SCPPPQ1: variants seen among roughly 807,000 people sequenced by gnomAD.
The protein encoded by SCPPPQ1 is secretory calcium-binding phosphoprotein proline-glutamine rich 1, also known as secretory calcium-binding phosphoprotein proline- and glutamine-rich 1.
chr4:87,470,317 T>C, the SCPPPQ1 span, among the ~76,000 whole-genome samples: 1 of 152,192 alleles, frequency 6.6e-6, no homozygotes, highest in Non-Finnish European at 1.5e-5. Context: ...TTATTAGTAA[T>C]TGATCACTAC....
At chr4:87,470,004 A>G in the SCPPPQ1 span, among the ~76,000 whole-genome samples, 1 of 135,764 alleles carries the variant, frequency 7.4e-6, no homozygotes, top group African/African-American at 2.8e-5. Context: ...CTCAGGCTGG[A>G]GTGCAGTGGC....
the SCPPPQ1 span, chr4:87,461,974 A>G: frequency 6.6e-6 from 1 of 152,230 alleles, no homozygotes; most frequent in Non-Finnish European, 1.5e-5. Context: ...AACCATACGT[A>G]ACTTCTGGCA....
At chr4:87,468,925 G>C in the SCPPPQ1 span, among the ~76,000 whole-genome samples, 2 of 152,344 alleles carry the variant, frequency 1.3e-5, no homozygotes, top group South Asian at 4.1e-4. Flanking sequence ...GGGCACTATA[G>C]ATGAATGTAG....
chr4:87,465,554 ATCT>A, the SCPPPQ1 span, among the ~76,000 whole-genome samples: 1 of 132,936 alleles, frequency 7.5e-6, no homozygotes, highest in Non-Finnish European at 1.6e-5. Flanking sequence ...AGGAATAGAA[ATCT>A]ACAAAAAAAA....
chr4:87,462,956 G>A, the SCPPPQ1 span, among the ~76,000 whole-genome samples: 4 of 138,786 alleles, frequency 2.9e-5, no homozygotes, highest in South Asian at 2.2e-4. Flanking sequence ...CCGAGATCAC[G>A]CCACTGCACT....
At chr4:87,462,679 A>G in the SCPPPQ1 span, among the ~76,000 whole-genome samples, 2 of 152,136 alleles carry the variant, frequency 1.3e-5, no homozygotes, top group Admixed American at 6.6e-5. Flanking sequence ...CTCATTATTT[A>G]CTATGAATTG....
chr4:87,466,969 CATT>C, the SCPPPQ1 span, among the ~76,000 whole-genome samples: 1 of 152,338 alleles, frequency 6.6e-6, no homozygotes, highest in African/African-American at 2.4e-5. Flanking sequence ...GTTGCAGCAT[CATT>C]ATTTTAGACT....
chr4:87,462,926 G>A, the SCPPPQ1 span, among the ~76,000 whole-genome samples: 5 of 151,130 alleles, frequency 3.3e-5, no homozygotes, highest in East Asian at 9.7e-4. Flanking sequence ...TGAGCCTGGG[G>A]GGGCAGAGGT....
At chr4:87,465,529 G>T in the SCPPPQ1 span, among the ~76,000 whole-genome samples, 1 of 116,716 alleles carries the variant, frequency 8.6e-6, no homozygotes, top group African/African-American at 3.6e-5. Flanking sequence ...GATTTGGATT[G>T]TAAGGAAAAG....
At chr4:87,462,420 T>C in the SCPPPQ1 span, 1 of 152,224 alleles carries the variant, frequency 6.6e-6, no homozygotes, top group Non-Finnish European at 1.5e-5. Flanking sequence ...AGATCCTGTT[T>C]CTTAAAAATA....
chr4:87,464,075 A>G, the SCPPPQ1 span, among the ~76,000 whole-genome samples: 1 of 152,170 alleles, frequency 6.6e-6, no homozygotes, highest in African/African-American at 2.4e-5. Context: ...TTGTTCTGTT[A>G]GGGTGCCTTT....
chr4:87,467,219 G>A, the SCPPPQ1 span, among the ~76,000 whole-genome samples: 1 of 152,078 alleles, frequency 6.6e-6, no homozygotes, highest in Non-Finnish European at 1.5e-5. Flanking sequence ...AACTTATACT[G>A]TTTGTACCTC....
chr4:87,464,442 C>A, the SCPPPQ1 span, among the ~76,000 whole-genome samples: 1 of 152,074 alleles, frequency 6.6e-6, no homozygotes, highest in Non-Finnish European at 1.5e-5. Context: ...ATAGCAGTGA[C>A]TTCTTGGAAA....
At chr4:87,463,454 AG>A in the SCPPPQ1 span, among the ~76,000 whole-genome samples, 1 of 152,178 alleles carries the variant, frequency 6.6e-6, no homozygotes, top group African/African-American at 2.4e-5. Flanking sequence ...CTGTGAAGGA[AG>A]AAAAATTGAT....
chr4:87,465,369 C>G, the SCPPPQ1 span, among the ~76,000 whole-genome samples: 2 of 151,894 alleles, frequency 1.3e-5, no homozygotes, highest in African/African-American at 4.8e-5. Context: ...TCAAATCAAA[C>G]AAAATATCAA....
At chr4:87,470,910 G>T in the SCPPPQ1 span, among the ~76,000 whole-genome samples, 1 of 151,946 alleles carries the variant, frequency 6.6e-6, no homozygotes, top group Non-Finnish European at 1.5e-5. Flanking sequence ...CTTATTAGAA[G>T]TGGACCTGTT....
the SCPPPQ1 span, among the ~76,000 whole-genome samples, chr4:87,470,162 C>G: frequency 6.6e-6 from 1 of 151,432 alleles, no homozygotes. Flanking sequence ...TGCTATGTTG[C>G]CCCCCTGTTG....
At chr4:87,462,618 TG>T in the SCPPPQ1 span, among the ~76,000 whole-genome samples, 1 of 152,216 alleles carries the variant, frequency 6.6e-6, no homozygotes, top group Non-Finnish European at 1.5e-5. Flanking sequence ...TGTGTTACCT[TG>T]CCTTGAGATC....
chr4:87,461,513 A>G, the SCPPPQ1 span, among the ~76,000 whole-genome samples: 2 of 152,222 alleles, frequency 1.3e-5, no homozygotes, highest in Non-Finnish European at 2.9e-5. Context: ...TTTTGGCCCA[A>G]AGATAGTTTA....
Sources: gnomAD v4.1 joint callset for allele counts (sites outside exome capture counted in the v4.1 genomes callset) on GRCh38, gnomAD v4.1.1 for gene constraint, MANE v1.5 for transcripts, NCBI Gene and HGNC (gene_info 2026-07-23, HGNC 2026-07-21) for gene names.